The following TEX26 variants were observed in gnomAD, a reference collection of about 807,000 sequenced individuals.
TEX26 encodes the protein testis expressed 26, also known as testis-expressed protein 26.
TEX26 carries 34 observed loss-of-function variants against 35.3 expected under a neutral mutation model. That is an observed-to-expected ratio of 0.96 (90% CI 0.73 to 1.28). The LOEUF (loss-of-function observed/expected upper bound fraction) is 1.28, where lower values mean the gene tolerates loss of function less well. Among genes scored for constraint, TEX26 ranks in the 50% most tolerant of loss-of-function variants. TEX26 has a pLI of 0.00. For synonymous variants in TEX26, 136 were observed against 111.8 expected, an observed-to-expected ratio of 1.22 and a Z score of -1.36; for missense variants, 371 against 330.1, an observed-to-expected ratio of 1.12 and a Z score of -0.96.
Position 30,943,266 on chromosome 13 carries a change from C to T in TEX26, c.146+3488C>T, listed in dbSNP as rs150623873. On this transcript the variant is annotated intron_variant, in intron 2 of 6. Transcript: ENST00000380473. ...TTTATTTTTTGCAGCTGTTGTACAACGGATTGAGTTATTGATTTGATTCTC... is the reference window on the plus strand; with the variant it reads ...TTTATTTTTTGCAGCTGTTGTACAATGGATTGAGTTATTGATTTGATTCTC... Among the ~76,000 whole-genome samples, 351 of 151,990 alleles carry T rather than the reference C, an allele frequency of 2.3e-3. 2 individuals are homozygous for T. Among genetic ancestry groups the T allele is most frequent in the South Asian group, 8.9e-3 (43 of 4,822 alleles).
Position 30,971,306 on chromosome 13 carries a change from C to T in TEX26, c.808+2260C>T, listed in dbSNP as rs571442937. Reference sequence around the variant, plus strand: ...GTACATATGCAGATAATTTAAGAACCTGGCAGATGTGTTAGGCAGAATTAT... The same window carrying T: ...GTACATATGCAGATAATTTAAGAACTTGGCAGATGTGTTAGGCAGAATTAT... On this transcript the variant is annotated intron_variant, in intron 6 of 6. Transcript: ENST00000380473. Among the ~76,000 whole-genome samples the T allele has an allele frequency of 3.3e-5, 5 of 152,280 alleles. No homozygotes were observed. The South Asian group carries it at 8.3e-4, about 25-fold the overall frequency.
intron 6 of TEX26, among the ~76,000 whole-genome samples, chr13:30,974,163 A>G (rs1186219683): frequency 1.5e-5 from 2 of 134,070 alleles, no homozygotes; most frequent in Non-Finnish European, 3.2e-5. Context: ...TATAATTAGG[A>G]GTAAGGAATC....
intron 4 of TEX26, among the ~76,000 whole-genome samples, chr13:30,959,769 T>C (rs1954268784): frequency 6.6e-6 from 1 of 152,096 alleles, no homozygotes; most frequent in Non-Finnish European, 1.5e-5. Flanking sequence ...AAAGGAGTAA[T>C]GCAGGAAAAA....
At chr13:30,963,343 G>A (rs889289926) in intron 4 of TEX26, among the ~76,000 whole-genome samples, 7 of 152,120 alleles carry the variant, frequency 4.6e-5, no homozygotes, top group Non-Finnish European at 8.8e-5. Flanking sequence ...CTAACTCATG[G>A]TTATTATTTT....
intron 5 of TEX26, among the ~76,000 whole-genome samples, chr13:30,967,064 G>T (rs1191334692): frequency 6.6e-6 from 1 of 152,168 alleles, no homozygotes; most frequent in South Asian, 2.1e-4. Flanking sequence ...GAAAGCAATG[G>T]GGTGGGAATC....
At chr13:30,954,832 A>G (rs1440036238) in intron 3 of TEX26, among the ~76,000 whole-genome samples, 1 of 152,178 alleles carries the variant, frequency 6.6e-6, no homozygotes, top group East Asian at 1.9e-4. Flanking sequence ...ATTATACTGT[A>G]TTTATACATT....
At chr13:30,941,637 C>T (rs1001979763) in intron 2 of TEX26, among the ~76,000 whole-genome samples, 1 of 152,112 alleles carries the variant, frequency 6.6e-6, no homozygotes, top group Admixed American at 6.6e-5. Flanking sequence ...TTATTCCTCA[C>T]CCACTGCCAC....
intron 4 of TEX26, among the ~76,000 whole-genome samples, chr13:30,958,135 G>A (rs970286046): frequency 1.3e-5 from 2 of 152,208 alleles, no homozygotes; most frequent in African/African-American, 4.8e-5. Context: ...TGCCCTTAGG[G>A]CTCTGTGGCT....
intron 6 of TEX26, among the ~76,000 whole-genome samples, chr13:30,974,131 A>AAAAATATATATATATATATATATAT: frequency 3.4e-4 from 29 of 84,402 alleles, no homozygotes; most frequent in Non-Finnish European, 5.8e-4. Context: ...AAAAAAAAAA[A>AAAAATATATATATATATATATATAT]ATATATATAT....
At chr13:30,953,014 G>GT (rs1033263399) in intron 3 of TEX26, among the ~76,000 whole-genome samples, 189 bp downstream of exon 3, 11 of 151,906 alleles carry the variant, frequency 7.2e-5, no homozygotes, top group Middle Eastern at 3.4e-3. Context: ...ATCCCCTGGA[G>GT]TTTTTTTTAA....
At position 30,939,780 on chromosome 13, in the gene TEX26, T is replaced by G; in HGVS notation, c.146+2T>G. 2 of 1,612,496 alleles carry G rather than the reference T, an allele frequency of 1.2e-6. No homozygotes were observed. On this transcript the variant is annotated splice_donor_variant, in intron 2 of 6. Coordinates refer to ENST00000380473, the MANE Select transcript of TEX26 (RefSeq NM_152325.3). LOFTEE classifies it high-confidence loss of function. ...AGGAGCAGTGCCTGCCTTAATTCGG[T>G]AGATCATTATTTGTGTTGGATTGAT...
intron 1 of TEX26, among the ~76,000 whole-genome samples, chr13:30,938,437 G>A (rs1272610358): frequency 1.3e-5 from 2 of 152,184 alleles, no homozygotes; most frequent in Non-Finnish European, 2.9e-5. Context: ...GGCATTGGGT[G>A]AGGGCCTATT....
intron 2 of TEX26, among the ~76,000 whole-genome samples, chr13:30,948,533 C>G (rs139768273): frequency 1.3e-5 from 2 of 152,250 alleles, no homozygotes; most frequent in East Asian, 1.9e-4. Flanking sequence ...TCGCATAAAT[C>G]TCTTCTTTTG....
chr13:30,932,698 G>A lies in TEX26; in HGVS notation c.-18G>A. ...AGATAGCTGGAGCCAGGGCCCCGCG[G>A]CCGCCTCCTGGGGCAGAATGGAACA... On this transcript the variant is annotated 5_prime_UTR_variant, in exon 1 of 7. Coordinates refer to ENST00000380473, the MANE Select transcript of TEX26 (RefSeq NM_152325.3). 6.2e-7 allele frequency: 1 copy of A among 1,611,164 alleles called. No homozygotes were observed. Among genetic ancestry groups the A allele is most frequent in the Non-Finnish European group, 8.5e-7 (1 of 1,179,194 alleles).
At chr13:30,972,099 A>C (rs1954731212) in intron 6 of TEX26, among the ~76,000 whole-genome samples, 1 of 152,220 alleles carries the variant, frequency 6.6e-6, no homozygotes, top group Admixed American at 6.5e-5. Context: ...TCTGTAATCA[A>C]AGTAATCTTC....
chr13:30,934,726 A>T (rs374239296), intron 1 of TEX26, among the ~76,000 whole-genome samples: 1 of 152,224 alleles, frequency 6.6e-6, no homozygotes, highest in East Asian at 1.9e-4. Flanking sequence ...CTGAGTTGGG[A>T]TGGGAGCTCC....
chr13:30,962,919 T>A (rs1479246700), intron 4 of TEX26, among the ~76,000 whole-genome samples: 1 of 151,680 alleles, frequency 6.6e-6, no homozygotes, highest in Non-Finnish European at 1.5e-5. Context: ...GCCTCCCGGG[T>A]TCATGCCATT....
chr13:30,932,713 A>G lies in TEX26; in HGVS notation c.-3A>G, dbSNP rs762304890. On this transcript the variant is annotated 5_prime_UTR_variant, in exon 1 of 7. Coordinates refer to ENST00000380473, the MANE Select transcript of TEX26 (RefSeq NM_152325.3). ...GGGCCCCGCGGCCGCCTCCTGGGGC[A>G]GAATGGAACAGCCTGGGCCCAGGGC... 1 of 1,613,192 alleles carries G rather than the reference A, an allele frequency of 6.2e-7. No individual in the cohort carries two copies. The highest frequency in any genetic ancestry group is 2.2e-5 in the East Asian group (1 of 44,856).
At chr13:30,935,174 C>T (rs1326713307) in intron 1 of TEX26, among the ~76,000 whole-genome samples, 2 of 152,260 alleles carry the variant, frequency 1.3e-5, no homozygotes, top group Admixed American at 6.5e-5. Flanking sequence ...GCTCCCACTG[C>T]CTGGCCTCTC....
Sources: gnomAD v4.1 joint callset for allele counts (sites outside exome capture counted in the v4.1 genomes callset) on GRCh38, gnomAD v4.1.1 for gene constraint, MANE v1.5 for transcripts, NCBI Gene and HGNC (gene_info 2026-07-23, HGNC 2026-07-21) for gene names.